The following DGUOK variants were observed in gnomAD, a reference collection of about 807,000 sequenced individuals.
The protein encoded by DGUOK is deoxyguanosine kinase, mitochondrial.
Under a neutral mutation model 36.6 loss-of-function variants are expected in DGUOK, and 30 were observed. The ratio of observed to expected loss-of-function variants is 0.82; its 90% CI spans 0.61 to 1.11. The LOEUF (loss-of-function observed/expected upper bound fraction) is 1.11, where lower values mean the gene tolerates loss of function less well. DGUOK is among the 50% of genes most tolerant of loss of function. The pLI, the probability that DGUOK is intolerant of heterozygous loss-of-function variation, is 0.00. For synonymous variants in DGUOK, 145 were observed against 126.3 expected (o/e 1.15, Z -0.99); for missense variants, 361 against 336.4 (o/e 1.07, Z -0.57).
intron 2 of DGUOK, among the ~76,000 whole-genome samples, chr2:73,946,261 G>A (rs947259934): frequency 6.6e-6 from 1 of 152,152 alleles, no homozygotes; most frequent in Non-Finnish European, 1.5e-5. Flanking sequence ...ATAAGCAGTT[G>A]CTTTCTGGTT....
chr2:73,941,517 T>G (rs1258808145), intron 2 of DGUOK, among the ~76,000 whole-genome samples: 1 of 152,186 alleles, frequency 6.6e-6, no homozygotes, highest in Non-Finnish European at 1.5e-5. Context: ...TATATATACA[T>G]TTGCTTTTTG....
intron 3 of DGUOK, chr2:73,947,181 A>C: frequency 2.2e-6 from 1 of 454,450 alleles, no homozygotes. Flanking sequence ...TCTGGCATGG[A>C]GCAAGCTGGT....
chr2:73,958,097 A>C (rs765735643), intron 5 of DGUOK, 49 bp from the exon 6 acceptor site: 6 of 1,474,974 alleles, frequency 4.1e-6, no homozygotes, highest in African/African-American at 1.4e-5. Context: ...AACTTGACTC[A>C]AGTTACATTT....
At chr2:73,956,694 A>T (rs1017569198) in intron 4 of DGUOK, among the ~76,000 whole-genome samples, 5 of 152,214 alleles carry the variant, frequency 3.3e-5, no homozygotes, top group African/African-American at 1.2e-4. Flanking sequence ...CCCTGCCTCC[A>T]GGAGGCAGAA....
intron 3 of DGUOK, among the ~76,000 whole-genome samples, chr2:73,949,714 G>T (rs1042283862): frequency 6.6e-6 from 1 of 152,216 alleles, no homozygotes; most frequent in African/African-American, 2.4e-5. Context: ...GCCAGTTGCT[G>T]AGCATTGCCT....
rs1682344660 is a variant in DGUOK, at chr2:73,946,742, A to G, written c.279A>G (p.Gly93=). The change falls in exon 3 of 7, where the codon GGA becomes GGG. Residue 93 remains glycine, a synonymous_variant. Transcript: ENST00000264093. ...TQKACTAQSL[G]NLLDMMYREP... ...AGGCCTGCACTGCCCAAAGTCTTGG[A>G]AACTTGCTGGATATGATGTACCGGG... 6.2e-7 allele frequency: 1 copy of G among 1,613,944 alleles called. No individual in the cohort carries two copies. Among genetic ancestry groups the G allele is most frequent in the Non-Finnish European group, 8.5e-7 (1 of 1,180,006 alleles).
chr2:73,927,954 G>C (rs1430944944), intron 1 of DGUOK, among the ~76,000 whole-genome samples: 2 of 152,110 alleles, frequency 1.3e-5, no homozygotes, highest in Non-Finnish European at 2.9e-5. Flanking sequence ...TGCCAGCACT[G>C]TTCTTGGCCT....
intron 2 of DGUOK, among the ~76,000 whole-genome samples, chr2:73,943,604 T>G (rs1232957103): frequency 6.6e-6 from 1 of 152,128 alleles, no homozygotes; most frequent in Non-Finnish European, 1.5e-5. Flanking sequence ...CAGTACTGTT[T>G]GAGGGGAATC....
At chr2:73,927,567 AAG>A (rs763215192) in intron 1 of DGUOK, among the ~76,000 whole-genome samples, 49 of 152,228 alleles carry the variant, frequency 3.2e-4, no homozygotes, top group Non-Finnish European at 6.8e-4. Flanking sequence ...ACCCTATTCG[AAG>A]AGAGTTCCTA....
At chr2:73,955,110 A>G (rs1220272735) in intron 4 of DGUOK, among the ~76,000 whole-genome samples, 1 of 152,240 alleles carries the variant, frequency 6.6e-6, no homozygotes, top group Non-Finnish European at 1.5e-5. Flanking sequence ...AAGGAAATTA[A>G]TAGTAAATAG....
At chr2:73,954,122 G>A (rs1350494216) in intron 4 of DGUOK, among the ~76,000 whole-genome samples, 2 of 152,080 alleles carry the variant, frequency 1.3e-5, no homozygotes. Flanking sequence ...TGGGAGGACT[G>A]CTTGAGCCCA....
At chr2:73,935,398 C>G (rs1681380723) in intron 1 of DGUOK, among the ~76,000 whole-genome samples, 1 of 152,086 alleles carries the variant, frequency 6.6e-6, no homozygotes. Context: ...GAGCAAAACA[C>G]CACCACTCTT....
In DGUOK at chr2:73,946,860, G is replaced by T. The variant is rs1175793057; in HGVS notation, c.397G>T (p.Ala133Ser). ...LEPFPEKLLQ[A>S]RKPVQIFERS... ...GCCCTTCCCTGAGAAACTCTTACAG[G>T]CCAGGAAGCCAGTACAGATCTTTGA... Residue 133 changes from alanine to serine, a missense_variant, in exon 3 of 7, where the codon GCC becomes TCC. Ala to Ser is a moderately conservative substitution (Grantham distance 99). Transcript: ENST00000264093. The T allele has an allele frequency of 6.2e-7, 1 of 1,613,664 alleles. No individual in the cohort carries two copies. Among genetic ancestry groups the T allele is most frequent in the Non-Finnish European group, 8.5e-7 (1 of 1,179,980 alleles).
chr2:73,950,580 AC>A lies in DGUOK; in HGVS notation c.444-3del. On this transcript the variant is annotated splice_polypyrimidine_tract_variant and splice_region_variant and intron_variant, in intron 3 of 6. Coordinates refer to ENST00000264093, the MANE Select transcript of DGUOK (RefSeq NM_080916.3). Reference sequence around the variant, plus strand: ...CCTCCCCATTCCCATCCCACTTCCAACCAGGTATATCTTTGCAAAGAATCTT... The same window carrying A: ...CCTCCCCATTCCCATCCCACTTCCAACAGGTATATCTTTGCAAAGAATCTT... The A allele has an allele frequency of 6.2e-7, 1 of 1,613,926 alleles. No homozygotes were observed. The highest frequency in any genetic ancestry group is 2.2e-5 in the East Asian group (1 of 44,876).
intron 1 of DGUOK, among the ~76,000 whole-genome samples, chr2:73,932,855 G>A (rs1178520337): frequency 1.3e-5 from 2 of 152,102 alleles, no homozygotes; most frequent in African/African-American, 4.8e-5. Context: ...CAAAAGCTTG[G>A]TACCTAGAAC....
chr2:73,943,414 G>A (rs755393047), intron 2 of DGUOK, among the ~76,000 whole-genome samples: 1 of 150,338 alleles, frequency 6.7e-6, no homozygotes, highest in Non-Finnish European at 1.5e-5. Flanking sequence ...CTTCCACCTC[G>A]GACTCCCAAG....
intron 3 of DGUOK, among the ~76,000 whole-genome samples, chr2:73,947,452 C>A (rs1438122910): frequency 2.0e-5 from 3 of 152,106 alleles, no homozygotes; most frequent in African/African-American, 7.2e-5. Context: ...TTTTTGACCC[C>A]TTCTTCTGTG....
intron 2 of DGUOK, among the ~76,000 whole-genome samples, chr2:73,942,590 TA>T (rs551307110): frequency 1.5e-3 from 143 of 92,972 alleles, no homozygotes; most frequent in African/African-American, 4.7e-3. Flanking sequence ...TTATATGATT[TA>T]ATTTCTCATT....
intron 3 of DGUOK, among the ~76,000 whole-genome samples, chr2:73,948,429 G>A (rs1682488135): frequency 6.6e-6 from 1 of 152,246 alleles, no homozygotes; most frequent in Non-Finnish European, 1.5e-5. Context: ...GCTATCTTCA[G>A]TGAGGGCATT....
Sources: allele counts gnomAD v4.1 joint callset (sites outside exome capture counted in the v4.1 genomes callset), GRCh38; gene constraint gnomAD v4.1.1; transcripts MANE v1.5; gene names NCBI Gene and HGNC (gene_info 2026-07-23, HGNC 2026-07-21).